The following RBM46 variants were observed in gnomAD, a reference collection of about 807,000 sequenced individuals.
RBM46 encodes the protein probable RNA-binding protein 46.
In RBM46, 12 loss-of-function variants were observed where a neutral mutation model predicts 43.3. The ratio of observed to expected loss-of-function variants is 0.28; its 90% CI spans 0.18 to 0.45. The LOEUF is 0.45. Among genes scored for constraint, RBM46 ranks in the 20% least tolerant of loss-of-function variants. The pLI, the probability that RBM46 is intolerant of heterozygous loss-of-function variation, is 1.00. For missense variants in RBM46, 412 were observed against 639.1 expected, an observed-to-expected ratio of 0.64 and a Z score of 3.83; for synonymous variants, 205 against 207.6, an observed-to-expected ratio of 0.99 and a Z score of 0.11.
At position 154,828,333 on chromosome 4, in the gene RBM46, C is replaced by T; in HGVS notation, c.*266C>T. The T allele has an allele frequency of 4.3e-5, 14 of 328,600 alleles. No homozygotes were observed. The highest frequency in any genetic ancestry group is 6.2e-5 in the East Asian group (1 of 16,206). 20.4% of individuals were successfully genotyped at this position (328,600 alleles called of 1,614,324 possible). A position where few individuals can be genotyped will look rare whatever the true frequency, so the allele number is the denominator to read the frequency against. ...CTTTTTAAACTTCTAGGATTTTCTTCTACTTTCTGAGTGGGCAATAGAACC... is the reference window on the plus strand; with the variant it reads ...CTTTTTAAACTTCTAGGATTTTCTTTTACTTTCTGAGTGGGCAATAGAACC... On this transcript the variant is annotated 3_prime_UTR_variant, in exon 5 of 5. Transcript: ENST00000281722.
At chr4:154,811,665 G>C (rs1049586357) in intron 4 of RBM46, among the ~76,000 whole-genome samples, 1 of 132,922 alleles carries the variant, frequency 7.5e-6, no homozygotes, top group East Asian at 2.4e-4. Flanking sequence ...GTGTGTGTGT[G>C]TGTCTGTGTG....
At chr4:154,801,778 CT>C (rs1560901034) in intron 4 of RBM46, among the ~76,000 whole-genome samples, 1 of 152,142 alleles carries the variant, frequency 6.6e-6, no homozygotes, top group Non-Finnish European at 1.5e-5. Context: ...GGAAGCAGAG[CT>C]TTTAACTCCC....
At chr4:154,806,515 T>C (rs916515881) in intron 4 of RBM46, among the ~76,000 whole-genome samples, 1 of 151,862 alleles carries the variant, frequency 6.6e-6, no homozygotes, top group Non-Finnish European at 1.5e-5. Context: ...ATATTTTATG[T>C]CTGCAGAGAT....
intron 4 of RBM46, among the ~76,000 whole-genome samples, chr4:154,824,643 A>G (rs564876816): frequency 5.3e-5 from 8 of 152,226 alleles, no homozygotes; most frequent in African/African-American, 1.7e-4. Flanking sequence ...TGGCAAGGCA[A>G]GATATGTCAG....
intron 1 of RBM46, chr4:154,787,340 C>A (rs1338500895): frequency 4.0e-5 from 5 of 124,472 alleles, no homozygotes; most frequent in South Asian, 3.5e-4. Context: ...CCCCTCCCCC[C>A]ACCCCATGAC....
Position 154,807,912 on chromosome 4 carries a change from G to A in RBM46, c.1402+8348G>A, listed in dbSNP as rs542749083. On this transcript the variant is annotated intron_variant, in intron 4 of 4. Coordinates refer to ENST00000281722, the MANE Select transcript of RBM46 (RefSeq NM_144979.5). ...AACATTTGAGCTATAAGAATGGCCTGCATATGAAATTTTATGTACACAATA... is the reference window on the plus strand; with the variant it reads ...AACATTTGAGCTATAAGAATGGCCTACATATGAAATTTTATGTACACAATA... Among the ~76,000 whole-genome samples the A allele has an allele frequency of 3.3e-5, 5 of 151,986 alleles. No homozygotes were observed. In the South Asian group the frequency reaches 1.0e-3, roughly 32 times the overall value.
intron 4 of RBM46, among the ~76,000 whole-genome samples, chr4:154,802,571 G>C (rs1734687984): frequency 6.6e-6 from 1 of 152,204 alleles, no homozygotes; most frequent in Non-Finnish European, 1.5e-5. Context: ...GGTGGTAGTG[G>C]TGTGTTCTTG....
Position 154,799,282 on chromosome 4 carries a change from C to T in RBM46, c.1120C>T (p.Pro374Ser), listed in dbSNP as rs749405909. 1.5e-5 allele frequency: 25 copies of T among 1,614,182 alleles called. No homozygotes were observed. Among genetic ancestry groups the T allele is most frequent in the Non-Finnish European group, 2.1e-5 (25 of 1,180,044 alleles). The stretch of plus-strand genomic sequence containing the variant: ...TGAAAGATGCACTTACCCTTTTTAT[C>T]CTGGAACAAAGCTTACTCCAATTAG... Reference protein sequence around the residue: ...EVERCTYPFYPGTKLTPISMY... With the variant: ...EVERCTYPFYSGTKLTPISMY... The change falls in exon 4 of 5, where the codon CCT becomes TCT. Residue 374 changes from proline to serine, a missense_variant. Pro to Ser is a moderately conservative substitution (Grantham distance 74). Coordinates refer to ENST00000281722, the MANE Select transcript of RBM46 (RefSeq NM_144979.5).
chr4:154,814,147 T>G (rs1735315324), intron 4 of RBM46, among the ~76,000 whole-genome samples: 1 of 151,980 alleles, frequency 6.6e-6, no homozygotes, highest in Admixed American at 6.6e-5. Flanking sequence ...CCTGCATAAC[T>G]TATAGAAAAC....
intron 4 of RBM46, among the ~76,000 whole-genome samples, chr4:154,822,727 G>A (rs537734781): frequency 4.0e-5 from 6 of 151,686 alleles, no homozygotes; most frequent in South Asian, 4.2e-4. Flanking sequence ...GATCTCATAG[G>A]TATCTAAAGA....
intron 1 of RBM46, chr4:154,781,713 C>A: frequency 6.6e-6 from 1 of 152,634 alleles, no homozygotes; most frequent in Non-Finnish European, 1.5e-5. Context: ...CGTCTGGCGG[C>A]CTCTTCCGCC....
chr4:154,806,172 A>G (rs1044316684), intron 4 of RBM46, among the ~76,000 whole-genome samples: 1 of 151,848 alleles, frequency 6.6e-6, no homozygotes, highest in Non-Finnish European at 1.5e-5. Flanking sequence ...GACCATTTAA[A>G]TGAACATTTA....
chr4:154,811,657 GTGTGTGTGTGTC>G (rs1242119862), intron 4 of RBM46, among the ~76,000 whole-genome samples: 14 of 135,550 alleles, frequency 1.0e-4, no homozygotes, highest in East Asian at 6.9e-4. Context: ...GGATATGTGT[GTGTGTGTGTGTC>G]TGTGTGTGTG....
intron 4 of RBM46, among the ~76,000 whole-genome samples, chr4:154,805,395 G>A (rs1390029838): frequency 6.6e-6 from 1 of 151,868 alleles, no homozygotes; most frequent in East Asian, 1.9e-4. Context: ...TATTCATTTT[G>A]TAATGGACTT....
intron 1 of RBM46, among the ~76,000 whole-genome samples, chr4:154,795,624 T>C (rs1324640422): frequency 1.3e-5 from 2 of 152,128 alleles, no homozygotes; most frequent in East Asian, 3.8e-4. Flanking sequence ...ACTTATTTTT[T>C]AGAAGGAGCT....
intron 4 of RBM46, among the ~76,000 whole-genome samples, chr4:154,808,011 A>G (rs949647911): frequency 3.3e-5 from 5 of 151,954 alleles, no homozygotes; most frequent in Non-Finnish European, 7.4e-5. Flanking sequence ...GATTCAGTAA[A>G]TATAATCTTT....
At chr4:154,799,759 T>C (rs959510498) in intron 4 of RBM46, among the ~76,000 whole-genome samples, 195 bp downstream of exon 4, 5 of 146,660 alleles carry the variant, frequency 3.4e-5, no homozygotes, top group Non-Finnish European at 7.5e-5. Context: ...GCTTTTCTTT[T>C]TTTTTTTTTT....
chr4:154,826,496 A>G (rs1390315726), intron 4 of RBM46, among the ~76,000 whole-genome samples: 1 of 152,104 alleles, frequency 6.6e-6, no homozygotes, highest in African/African-American at 2.4e-5. Flanking sequence ...AATAAATTGT[A>G]TGGTACGTAG....
rs763225278 is a variant in RBM46 at position 154,828,012 on chromosome 4, A to G, written c.1547A>G (p.Asn516Ser). The G allele has an allele frequency of 8.7e-6, 14 of 1,613,880 alleles. No homozygotes were observed. Among genetic ancestry groups the G allele is most frequent in the Middle Eastern group, 1.6e-4 (1 of 6,082 alleles). Residue 516 changes from asparagine (N) to serine (S), a missense_variant, in exon 5 of 5, where the codon AAT (asparagine) becomes AGT (serine). Asn to Ser is a conservative substitution (Grantham distance 46). Around this residue, in one of 8 missense-constraint regions of RBM46, gnomAD observed 149 missense variants for 156.3 expected, o/e 0.95. Coordinates refer to ENST00000281722, the MANE Select transcript of RBM46 (RefSeq NM_144979.5). ...YPLSPTISLA[N>S]GSHVGQRLCI... The stretch of plus-strand genomic sequence containing the variant: ...TTGTCACCAACAATATCACTTGCTA[A>G]TGGCAGCCATGTTGGACAGCGGCTA...
Sources: allele counts gnomAD v4.1 joint callset (sites outside exome capture counted in the v4.1 genomes callset), GRCh38; gene constraint gnomAD v4.1.1; regional missense constraint gnomAD v4.1.1; transcripts MANE v1.5; gene names NCBI Gene and HGNC (gene_info 2026-07-23, HGNC 2026-07-21).